Variants in VAV3 observed in about 807,000 individuals in gnomAD.
VAV3 encodes the protein vav guanine nucleotide exchange factor 3, also known as guanine nucleotide exchange factor VAV3.
Under a neutral mutation model 131.2 loss-of-function variants are expected in VAV3, and 94 were observed. The ratio of observed to expected loss-of-function variants is 0.72; its 90% confidence interval spans 0.61 to 0.85. The LOEUF (loss-of-function observed/expected upper bound fraction) is 0.85. Ranked by LOEUF, VAV3 falls within the 40% of genes least tolerant of loss-of-function variation. The probability of loss-of-function intolerance (pLI) is 0.00; values close to 1 mark genes in which losing one functional copy is unlikely to be tolerated. For missense variants in VAV3, 939 were observed against 1,002.7 expected (o/e 0.94, Z 0.86); for synonymous variants, 349 against 342.0 (o/e 1.02, Z -0.22).
rs191114863 is a variant in VAV3, at chr1:107,794,644, T to C, written c.322-15152A>G. ...ATCTACTGCTTTAGGACTCTGTTAC[T>C]TGTGGCCTTAAAATCCTAAAAGGAA... On this transcript the variant is annotated intron_variant, in intron 2 of 26. Coordinates refer to ENST00000370056, the MANE Select transcript of VAV3 (RefSeq NM_006113.5). 1.2e-4 allele frequency among the ~76,000 whole-genome samples: 19 copies of C among 152,328 alleles called. No individual in the cohort carries two copies. The East Asian group carries it at 3.7e-3, about 29-fold the overall frequency.
At position 107,596,533 on chromosome 1, in the gene VAV3, C is replaced by T. The variant is rs116216762; in HGVS notation, c.2221-192G>A. On this transcript the variant is annotated intron_variant, in intron 24 of 26. Transcript: ENST00000370056. The stretch of plus-strand genomic sequence containing the variant: ...ACATGACACCTACCTAATAGCTGTC[C>T]TTGTTACTCAGGCCATTAATAATAT... Among the ~76,000 whole-genome samples the T allele has an allele frequency of 7.7e-3, 1,171 of 152,146 alleles. 13 individuals are homozygous for T. Among genetic ancestry groups the T allele is most frequent in the Non-Finnish European group, 0.012 (815 of 67,972 alleles).
intron 24 of VAV3, among the ~76,000 whole-genome samples, chr1:107,601,713 C>A (rs1201941249): frequency 6.6e-6 from 1 of 152,150 alleles, no homozygotes; most frequent in Non-Finnish European, 1.5e-5. Flanking sequence ...ATGATATATA[C>A]ACATTGTTTA....
At chr1:107,901,132 T>C (rs1202208217) in intron 1 of VAV3, among the ~76,000 whole-genome samples, 1 of 151,894 alleles carries the variant, frequency 6.6e-6, no homozygotes, top group Non-Finnish European at 1.5e-5. Context: ...AAGGGAAAAA[T>C]AATTTACACC....
chr1:107,725,793 G>C (rs1041058690), intron 15 of VAV3, among the ~76,000 whole-genome samples: 1 of 152,162 alleles, frequency 6.6e-6, no homozygotes, highest in Non-Finnish European at 1.5e-5. Context: ...GATTACAGGT[G>C]TGAGCCACCG....
At chr1:107,810,821 A>G (rs1234272712) in intron 2 of VAV3, among the ~76,000 whole-genome samples, 1 of 152,196 alleles carries the variant, frequency 6.6e-6, no homozygotes, top group East Asian at 1.9e-4. Context: ...AAAATGGGTG[A>G]AAAACAGAAA....
At chr1:107,926,809 G>A (rs963450733) in intron 1 of VAV3, among the ~76,000 whole-genome samples, 1 of 152,130 alleles carries the variant, frequency 6.6e-6, no homozygotes, top group Non-Finnish European at 1.5e-5. Flanking sequence ...GGTCCCACAA[G>A]CCTCACCACC....
chr1:107,831,168 TA>T (rs1035764500), intron 2 of VAV3, among the ~76,000 whole-genome samples: 18 of 148,902 alleles, frequency 1.2e-4, no homozygotes, highest in African/African-American at 1.2e-4. Flanking sequence ...TTTGTGAGTT[TA>T]AAAAAAAAAG....
At chr1:107,802,305 A>G (rs1289005022) in intron 2 of VAV3, among the ~76,000 whole-genome samples, 2 of 151,970 alleles carry the variant, frequency 1.3e-5, no homozygotes, top group East Asian at 3.9e-4. Flanking sequence ...GCATATAACG[A>G]TAATTTGACT....
rs1160137034 is a variant in VAV3 at position 107,705,080 on chromosome 1, T to A, written c.1503-19A>T. The A allele has an allele frequency of 6.4e-7, 1 of 1,571,036 alleles. No homozygotes were observed. Among genetic ancestry groups the A allele is most frequent in the African/African-American group, 1.4e-5 (1 of 73,854 alleles). ...GTTAGACCTAAAAAAAGGAAAAAAA[T>A]AACTTTCTATAGAAAGTTTCACAAC... On this transcript the variant is annotated intron_variant, in intron 15 of 26. Transcript: ENST00000370056.
intron 19 of VAV3, 94 bp downstream of exon 19, chr1:107,683,394 C>G (rs1468878451): frequency 1.4e-6 from 2 of 1,442,060 alleles, no homozygotes; most frequent in Non-Finnish European, 1.9e-6. Context: ...GAACAAAGGC[C>G]AACAATATGC....
chr1:107,896,997 A>C (rs1671614755), intron 1 of VAV3, among the ~76,000 whole-genome samples: 1 of 152,000 alleles, frequency 6.6e-6, no homozygotes, highest in Non-Finnish European at 1.5e-5. Flanking sequence ...GAAGGGTGAG[A>C]AAAACAGACT....
At chr1:107,815,789 C>T (rs1046405466) in intron 2 of VAV3, among the ~76,000 whole-genome samples, 1 of 152,098 alleles carries the variant, frequency 6.6e-6, no homozygotes, top group Non-Finnish European at 1.5e-5. Flanking sequence ...CACATATATG[C>T]ACAAATTTTT....
At chr1:107,788,407 G>A (rs1450520411) in intron 2 of VAV3, among the ~76,000 whole-genome samples, 1 of 152,030 alleles carries the variant, frequency 6.6e-6, no homozygotes, top group African/African-American at 2.4e-5. Context: ...TGCTTTGCCT[G>A]CTGTGCTCCA....
intron 17 of VAV3, among the ~76,000 whole-genome samples, chr1:107,695,306 T>A (rs1215222278): frequency 6.6e-6 from 1 of 152,234 alleles, no homozygotes; most frequent in African/African-American, 2.4e-5. Flanking sequence ...TTTTATAAAT[T>A]ATGTAAGAAT....
chr1:107,631,144 G>T (rs558801188), intron 20 of VAV3, among the ~76,000 whole-genome samples: 1 of 152,010 alleles, frequency 6.6e-6, no homozygotes, highest in African/African-American at 2.4e-5. Flanking sequence ...CCAAAGTATT[G>T]TAACACCTAT....
At chr1:107,601,479 C>G (rs897488816) in intron 24 of VAV3, among the ~76,000 whole-genome samples, 1 of 152,106 alleles carries the variant, frequency 6.6e-6, no homozygotes, top group East Asian at 1.9e-4. Flanking sequence ...CTGCAAAGTG[C>G]TTTGAGATGT....
At chr1:107,928,422 A>G (rs1673262536) in intron 1 of VAV3, among the ~76,000 whole-genome samples, 1 of 152,228 alleles carries the variant, frequency 6.6e-6, no homozygotes, top group South Asian at 2.1e-4. Flanking sequence ...ATTAGGCACC[A>G]AGGACCAATC....
chr1:107,847,336 GCCAC>G (rs1247695806), intron 2 of VAV3, among the ~76,000 whole-genome samples: 1 of 152,036 alleles, frequency 6.6e-6, no homozygotes, highest in Non-Finnish European at 1.5e-5. Flanking sequence ...ATCTAAAATC[GCCAC>G]CCTAATATCA....
chr1:107,629,917 G>A (rs1195551040), intron 20 of VAV3, among the ~76,000 whole-genome samples: 1 of 152,122 alleles, frequency 6.6e-6, no homozygotes, highest in Admixed American at 6.6e-5. Flanking sequence ...TACAAAATCT[G>A]ACTTCCCACA....
Sources: gnomAD v4.1 joint callset for allele counts (sites outside exome capture counted in the v4.1 genomes callset) on GRCh38, gnomAD v4.1.1 for gene constraint, MANE v1.5 for transcripts, NCBI Gene and HGNC (gene_info 2026-07-23, HGNC 2026-07-21) for gene names.